Variants in APOBEC3F observed in about 807,000 individuals in gnomAD.
APOBEC3F encodes the protein DNA dC->dU-editing enzyme APOBEC-3F.
APOBEC3F carries 34 observed loss-of-function variants against 45.8 expected under a neutral mutation model. The observed-to-expected ratio is 0.74, with a 90% CI of 0.57 to 0.99. The LOEUF is 0.99. Ranked by LOEUF, APOBEC3F falls within the 50% of genes least tolerant of loss-of-function variation. The probability of loss-of-function intolerance (pLI) is 0.00; values close to 1 mark genes in which losing one functional copy is unlikely to be tolerated. For synonymous variants in APOBEC3F, 192 were observed against 174.4 expected (o/e 1.10, Z -0.80); for missense variants, 459 against 474.1 (o/e 0.97, Z 0.30).
chr22:39,049,257 G>A (rs760532357), intron 4 of APOBEC3F, among the ~76,000 whole-genome samples, 168 bp from the exon 5 acceptor site: 1 of 152,046 alleles, frequency 6.6e-6, no homozygotes, highest in Non-Finnish European at 1.5e-5. Context: ...AGGTCACCCC[G>A]GCCCTTCTGC....
At position 39,052,896 on chromosome 22, in the gene APOBEC3F, C is replaced by T; in HGVS notation, c.*201C>T. 1 of 1,243,328 alleles carries T rather than the reference C, an allele frequency of 8.0e-7. No homozygotes were observed. The highest frequency in any genetic ancestry group is 1.5e-5 in the African/African-American group (1 of 65,834). 77.0% of individuals were successfully genotyped at this position (1,243,328 alleles called of 1,614,324 possible). ...TCTTCCTGCAGAGGCCTCTTTCTGC[C>T]TCCATGGCTATCCATCCACCCACCA... On this transcript the variant is annotated 3_prime_UTR_variant, in exon 7 of 7. Coordinates refer to ENST00000308521, the MANE Select transcript of APOBEC3F (RefSeq NM_145298.6).
chr22:39,043,115 T>G, intron 2 of APOBEC3F, 25 bp downstream of exon 2: 1 of 1,613,530 alleles, frequency 6.2e-7, no homozygotes, highest in Non-Finnish European at 8.5e-7. Flanking sequence ...TCAATCACTT[T>G]GCAGGCAGGA....
chr22:39,049,983 A>C lies in APOBEC3F; in HGVS notation c.723+402A>C, dbSNP rs971080152. Among the ~76,000 whole-genome samples, 40 of 150,146 alleles carry C rather than the reference A, an allele frequency of 2.7e-4. No homozygotes were observed. The East Asian group carries it at 7.8e-3, about 29-fold the overall frequency. On this transcript the variant is annotated intron_variant, in intron 5 of 6. Transcript: ENST00000308521. ...CTCCCAAAGTGCTAGGATTACAGGCATGAGCCACCACGCCCAACTTCCTCC... is the reference window on the plus strand; with the variant it reads ...CTCCCAAAGTGCTAGGATTACAGGCCTGAGCCACCACGCCCAACTTCCTCC...
At chr22:39,049,670 T>G in intron 5 of APOBEC3F, 89 bp downstream of exon 5, 3 of 1,475,532 alleles carry the variant, frequency 2.0e-6, no homozygotes, top group African/African-American at 1.4e-5. Context: ...TGGCGTGGGC[T>G]TTCCTGTGTG....
chr22:39,044,083 G>T (rs1406235288), intron 2 of APOBEC3F: 2 of 1,542,460 alleles, frequency 1.3e-6, no homozygotes, highest in Non-Finnish European at 8.7e-7. Context: ...TATTTTTCAG[G>T]TGCCCAGGTC....
At chr22:39,044,762 C>A (rs999877332) in intron 2 of APOBEC3F, among the ~76,000 whole-genome samples, 179 bp from the exon 3 acceptor site, 1 of 152,074 alleles carries the variant, frequency 6.6e-6, no homozygotes, top group Non-Finnish European at 1.5e-5. Flanking sequence ...TAGCCATTAA[C>A]ACTGAACGTG....
chr22:39,055,884 A>T lies in APOBEC3F; in HGVS notation c.*3189A>T, dbSNP rs1035651408. On this transcript the variant is annotated 3_prime_UTR_variant, in exon 7 of 7. Coordinates refer to ENST00000308521, the MANE Select transcript of APOBEC3F (RefSeq NM_145298.6). ...ACCCCTTAGAATTGTAAGCCCTTAA[A>T]AGGGCCAGGGACTTCTTCAGGGAGC... Among the ~76,000 whole-genome samples, 1 of 152,098 alleles carries T rather than the reference A, an allele frequency of 6.6e-6. No homozygotes were observed. The highest frequency in any genetic ancestry group is 2.4e-5 in the African/African-American group (1 of 41,406).
At chr22:39,044,076 T>C in intron 2 of APOBEC3F, 1 of 1,541,606 alleles carries the variant, frequency 6.5e-7, no homozygotes, top group Middle Eastern at 1.7e-4. Context: ...TATGGTGTAT[T>C]TTTCAGGTGC....
intron 4 of APOBEC3F, among the ~76,000 whole-genome samples, chr22:39,046,529 C>A (rs566052037): frequency 1.1e-4 from 16 of 152,152 alleles, no homozygotes; most frequent in Non-Finnish European, 1.6e-4. Flanking sequence ...TCTGCTCACG[C>A]CTGTCCCTTC....
rs1927564059 is a variant in APOBEC3F, at chr22:39,052,818, G to A, written c.*123G>A. On this transcript the variant is annotated 3_prime_UTR_variant, in exon 7 of 7. Transcript: ENST00000308521. ...CATCCTGAGCCCCTCCTGGCCTCAGGGCCATTCCATAGTGCTCCCCTGCCT... is the reference window on the plus strand; with the variant it reads ...CATCCTGAGCCCCTCCTGGCCTCAGAGCCATTCCATAGTGCTCCCCTGCCT... 1.4e-5 allele frequency: 21 copies of A among 1,495,204 alleles called. No individual in the cohort carries two copies. Among genetic ancestry groups the A allele is most frequent in the East Asian group, 4.6e-5 (2 of 43,018 alleles). 92.6% of individuals were successfully genotyped at this position (1,495,204 alleles called of 1,614,324 possible). A position where few individuals can be genotyped will look rare whatever the true frequency, so the allele number is the denominator to read the frequency against.
Position 39,049,429 on chromosome 22 carries a change from C to G in APOBEC3F, c.571C>G (p.Pro191Ala), listed in dbSNP as rs1242513034. The G allele has an allele frequency of 6.2e-7, 1 of 1,613,890 alleles. No individual in the cohort carries two copies. The highest frequency in any genetic ancestry group is 1.7e-5 in the Admixed American group (1 of 59,976). The change falls in exon 5 of 7, where the codon CCG becomes GCG. Residue 191 changes from proline (P) to alanine (A), a missense_variant. Coordinates refer to ENST00000308521, the MANE Select transcript of APOBEC3F (RefSeq NM_145298.6). ...GTTTCTCTATTGTGCCTTCAGAAAC[C>G]CGATGGAGGCAATGTATCCACACAT... ...HRTLKEILRN[P>A]MEAMYPHIFY... is the part of the protein sequence containing the mutation.
Position 39,044,926 on chromosome 22 carries a change from C to T in APOBEC3F, c.172-15C>T. 6.2e-7 allele frequency: 1 copy of T among 1,611,336 alleles called. No individual in the cohort carries two copies. ...CCCCTCTCAGAGCATCCCCTGCCCCCTGCTCCTCTCCCAGGTGTATTCCCA... is the reference window on the plus strand; with the variant it reads ...CCCCTCTCAGAGCATCCCCTGCCCCTTGCTCCTCTCCCAGGTGTATTCCCA... On this transcript the variant is annotated splice_polypyrimidine_tract_variant and intron_variant, in intron 2 of 6. Transcript: ENST00000308521.
rs1187323017 is a variant in APOBEC3F at position 39,046,905 on chromosome 22, A to G, written c.566+1363A>G. Among the ~76,000 whole-genome samples, 3 of 152,158 alleles carry G rather than the reference A, an allele frequency of 2.0e-5. No homozygotes were observed. In the East Asian group the frequency reaches 5.8e-4, roughly 29 times the overall value. On this transcript the variant is annotated intron_variant, in intron 4 of 6. Coordinates refer to ENST00000308521, the MANE Select transcript of APOBEC3F (RefSeq NM_145298.6). ...TGCCAGGAGCTCTCCAGGAAGCACA[A>G]TAGAAAAAGGCAACCAGAGACCAGA...
In APOBEC3F at chr22:39,045,141, C is replaced by G; in HGVS notation, c.372C>G (p.Tyr124Ter). The change falls in exon 3 of 7, where the codon TAC becomes TAG. Residue 124 changes from tyrosine to a stop codon, truncating the protein, a stop_gained. Transcript: ENST00000308521. LOFTEE classifies it high-confidence loss of function. ...CCATCTCCGCCGCCCGCCTCTACTA[C>G]TACTGGGAAAGAGATTACCGAAGGG... The part of the protein sequence containing the change: ...TLTISAARLY[Y>*]YWERDYRRAL... 6.2e-7 allele frequency: 1 copy of G among 1,614,122 alleles called. No homozygotes were observed.
Position 39,052,960 on chromosome 22 carries a change from T to A in APOBEC3F, c.*265T>A. 2 of 552,484 alleles carry A rather than the reference T, an allele frequency of 3.6e-6. No individual in the cohort carries two copies. The highest frequency in any genetic ancestry group is 5.3e-6 in the Non-Finnish European group (2 of 377,430). The allele number at this position is 552,484 out of a possible 1,614,324, so 34.2% of individuals were successfully genotyped here. A position where few individuals can be genotyped will look rare whatever the true frequency, so the allele number is the denominator to read the frequency against. ...TGAGCCTGCATGCCCCTAACCTGCC[T>A]TTTCCCATCTCCCCAGCATAACCTA... is the stretch of plus-strand genomic sequence containing the variant. On this transcript the variant is annotated 3_prime_UTR_variant, in exon 7 of 7. Transcript: ENST00000308521.
intron 2 of APOBEC3F, 121 bp downstream of exon 2, chr22:39,043,211 T>C: frequency 7.4e-7 from 1 of 1,359,712 alleles, no homozygotes; most frequent in Non-Finnish European, 9.9e-7. Context: ...TCTCCCACAC[T>C]TTCCAAGTCC....
intron 1 of APOBEC3F, among the ~76,000 whole-genome samples, 156 bp downstream of exon 1, chr22:39,041,133 T>A (rs1261540538): frequency 1.3e-5 from 2 of 151,834 alleles, no homozygotes; most frequent in Non-Finnish European, 2.9e-5. Flanking sequence ...GCCAGGCTCT[T>A]TTTCCTGCTC....
rs1555902859 is a variant in APOBEC3F at position 39,052,988 on chromosome 22, A to ATTT, written c.*307_*309dup. The ATTT allele has an allele frequency of 2.3e-3, 486 of 215,486 alleles. 3 individuals are homozygous for ATTT. Among genetic ancestry groups the ATTT allele is most frequent in the African/African-American group, 0.012 (451 of 39,022 alleles). The allele number at this position is 215,486 out of a possible 1,614,324, so 13.3% of individuals were successfully genotyped here. ...TCCCATCTCCCCAGCATAACCTAAT[A>ATTT]TTTTTTTTTTTTTTTTGAGACGGAA... On this transcript the variant is annotated 3_prime_UTR_variant, in exon 7 of 7. Transcript: ENST00000308521.
chr22:39,052,711 CT>C lies in APOBEC3F; in HGVS notation c.*17del, dbSNP rs775094088. On this transcript the variant is annotated 3_prime_UTR_variant, in exon 7 of 7. Coordinates refer to ENST00000308521, the MANE Select transcript of APOBEC3F (RefSeq NM_145298.6). ...TCTCGAGTGAGGGGTCTCCCCGGGC[CT>C]CATGGTCTGTCTCCTCTAGCCTCCT... is the stretch of plus-strand genomic sequence containing the variant. The C allele has an allele frequency of 1.2e-6, 2 of 1,605,288 alleles. No homozygotes were observed. Among genetic ancestry groups the C allele is most frequent in the South Asian group, 2.2e-5 (2 of 89,832 alleles).
Sources: allele counts gnomAD v4.1 joint callset (sites outside exome capture counted in the v4.1 genomes callset), GRCh38; gene constraint gnomAD v4.1.1; transcripts MANE v1.5; gene names NCBI Gene and HGNC (gene_info 2026-07-23, HGNC 2026-07-21).